The following FHL2 variants were observed in gnomAD, a reference collection of about 807,000 sequenced individuals.
FHL2 encodes four and a half LIM domains 2, also known as four and a half LIM domains protein 2.
Under a neutral mutation model 32.7 loss-of-function variants are expected in FHL2, and 20 were observed. The ratio of observed to expected loss-of-function variants is 0.61; its 90% CI spans 0.43 to 0.89. FHL2 has a LOEUF of 0.89. FHL2 is among the 40% of genes least tolerant of loss of function. The pLI, the probability that FHL2 is intolerant of heterozygous loss-of-function variation, is 0.00. For synonymous variants in FHL2, 123 were observed against 128.1 expected (o/e 0.96, Z 0.27); for missense variants, 311 against 358.6 (o/e 0.87, Z 1.07).
At chr2:105,395,926 C>T (rs751649350) in intron 2 of FHL2, among the ~76,000 whole-genome samples, 15 of 152,158 alleles carry the variant, frequency 9.9e-5, no homozygotes, top group Non-Finnish European at 1.9e-4. Context: ...ACACCACCCA[C>T]GAGCACTGGG....
chr2:105,407,347 G>C lies in FHL2; in HGVS notation c.-24-20807C>G, dbSNP rs546329631. 6.0e-3 allele frequency among the ~76,000 whole-genome samples: 887 copies of C among 146,974 alleles called. 11 individuals are homozygous for C. Among genetic ancestry groups the C allele is most frequent in the Non-Finnish European group, 6.1e-3 (411 of 67,352 alleles). On this transcript the variant is annotated intron_variant, in intron 1 of 5. Coordinates refer to the FHL2 transcript ENST00000393352. ...GTGGAGCTTGCAGTGAGCTGAGATC[G>C]CTCCACTGCACTCCAGCCTGGGTGA...
intron 2 of FHL2, among the ~76,000 whole-genome samples, chr2:105,389,219 C>A (rs975119521): frequency 6.6e-6 from 1 of 152,192 alleles, no homozygotes; most frequent in African/African-American, 2.4e-5. Context: ...GATAACATCA[C>A]AAGATGAGGC....
At chr2:105,402,190 T>C (rs560344934), upstream of FHL2, among the ~76,000 whole-genome samples, 58 of 149,782 alleles carry the variant, frequency 3.9e-4, no homozygotes, top group African/African-American at 1.4e-3. Context: ...TATGTATATA[T>C]GTATATATAT....
chr2:105,386,341 C>T lies in FHL2; in HGVS notation c.156+20G>A. 3.1e-6 allele frequency: 5 copies of T among 1,610,802 alleles called. No homozygotes were observed. Among genetic ancestry groups the T allele is most frequent in the Non-Finnish European group, 4.2e-6 (5 of 1,178,548 alleles). On this transcript the variant is annotated intron_variant, in intron 3 of 6. Transcript: ENST00000530340. ...TTCCTAGGGGAGCGCCGGGGACCCGCAGAGGCCCGCAGCAGGTACCTTGCA... is the reference window on the plus strand; with the variant it reads ...TTCCTAGGGGAGCGCCGGGGACCCGTAGAGGCCCGCAGCAGGTACCTTGCA...
intron 1 of FHL2, among the ~76,000 whole-genome samples, chr2:105,424,395 G>T (rs1430779398): frequency 6.6e-6 from 1 of 152,212 alleles, no homozygotes; most frequent in African/African-American, 2.4e-5. Context: ...TGGAGAGGAT[G>T]TGGAGAAATA....
chr2:105,364,723 A>T (rs766673587), intron 5 of FHL2, among the ~76,000 whole-genome samples: 1 of 152,206 alleles, frequency 6.6e-6, no homozygotes, highest in African/African-American at 2.4e-5. Context: ...TGAACATTTC[A>T]GTATCATGCA....
chr2:105,374,797 G>T (rs1053736397), intron 3 of FHL2, among the ~76,000 whole-genome samples: 1 of 152,146 alleles, frequency 6.6e-6, no homozygotes, highest in Non-Finnish European at 1.5e-5. Context: ...ATCTTAGAAA[G>T]GATATGTTTC....
chr2:105,434,580 A>T (rs771083522), intron 1 of FHL2, among the ~76,000 whole-genome samples: 1 of 151,530 alleles, frequency 6.6e-6, no homozygotes, highest in Non-Finnish European at 1.5e-5. Context: ...AAAAAAAACA[A>T]AACAAACAAA....
intron 3 of FHL2, chr2:105,377,914 C>T (rs72823884): frequency 5.2e-4 from 205 of 390,552 alleles, no homozygotes; most frequent in African/African-American, 3.2e-3. Flanking sequence ...GGAGGCATTA[C>T]GCCCAGAGGG....
intron 3 of FHL2, among the ~76,000 whole-genome samples, chr2:105,381,411 A>G (rs1681876024): frequency 6.6e-6 from 1 of 152,110 alleles, no homozygotes; most frequent in Non-Finnish European, 1.5e-5. Flanking sequence ...TAGACATGGA[A>G]ACGGAGGCTT....
chr2:105,399,773 G>T, upstream of FHL2: 4 of 697,532 alleles, frequency 5.7e-6, no homozygotes, highest in Middle Eastern at 8.4e-4. Flanking sequence ...GGAGAGCACA[G>T]GTTGAGCCCA....
chr2:105,426,055 C>CAA (rs1235975211), intron 1 of FHL2, among the ~76,000 whole-genome samples: 8 of 152,246 alleles, frequency 5.3e-5, no homozygotes, highest in Admixed American at 5.2e-4. Flanking sequence ...GCCACTCCTT[C>CAA]ATATATAATA....
chr2:105,420,412 C>A (rs558048178), intron 1 of FHL2, among the ~76,000 whole-genome samples: 1 of 152,286 alleles, frequency 6.6e-6, no homozygotes, highest in South Asian at 2.1e-4. Context: ...TAATGACCTC[C>A]TCTTAACTAA....
chr2:105,373,726 G>A lies in FHL2; in HGVS notation c.164C>T (p.Ser55Phe), dbSNP rs2104533472. The change falls in exon 4 of 7, where the codon TCT (serine) becomes TTT (phenylalanine). Residue 55 changes from serine to phenylalanine, a missense_variant. Ser to Phe is a radical substitution (Grantham distance 155, BLOSUM62 -2). Coordinates refer to ENST00000530340, the MANE Select transcript of FHL2 (RefSeq NM_001318895.3). ...KPIGCDCKDLSYKDRHWHEAC... is the reference protein window; with the variant it reads ...KPIGCDCKDLFYKDRHWHEAC... ...TTCATGCCAGTGCCGGTCCTTGTAA[G>A]ACAAGTCCTGTGGGGCCAGACCACA... 6.2e-7 allele frequency: 1 copy of A among 1,613,894 alleles called. No individual in the cohort carries two copies. The highest frequency in any genetic ancestry group is 8.5e-7 in the Non-Finnish European group (1 of 1,180,032).
chr2:105,414,972 A>G (rs1345306414), intron 1 of FHL2, among the ~76,000 whole-genome samples: 2 of 152,214 alleles, frequency 1.3e-5, no homozygotes, highest in Non-Finnish European at 2.9e-5. Context: ...AATTTTCTCT[A>G]ATACAACTGT....
intron 1 of FHL2, among the ~76,000 whole-genome samples, chr2:105,412,721 G>A (rs1020981463): frequency 3.3e-5 from 5 of 152,230 alleles, no homozygotes; most frequent in Admixed American, 6.5e-5. Context: ...AGAAGGCAGC[G>A]TCAAGGAAGG....
chr2:105,432,279 A>G (rs1316321797), intron 1 of FHL2, among the ~76,000 whole-genome samples: 1 of 152,178 alleles, frequency 6.6e-6, no homozygotes, highest in African/African-American at 2.4e-5. Flanking sequence ...AGAAACAGGG[A>G]CCTAAAAGGA....
chr2:105,419,367 T>G (rs1684031170), intron 1 of FHL2, among the ~76,000 whole-genome samples: 1 of 152,200 alleles, frequency 6.6e-6, no homozygotes. Context: ...CTTCCCACCC[T>G]TTCTCCAAGA....
chr2:105,412,126 C>T (rs1314120572), intron 1 of FHL2, among the ~76,000 whole-genome samples: 1 of 152,194 alleles, frequency 6.6e-6, no homozygotes, highest in Non-Finnish European at 1.5e-5. Flanking sequence ...GAAATACCTG[C>T]ACACTCATGT....
Sources: allele counts gnomAD v4.1 joint callset (sites outside exome capture counted in the v4.1 genomes callset), GRCh38; gene constraint gnomAD v4.1.1; transcripts MANE v1.5; gene names NCBI Gene and HGNC (gene_info 2026-07-23, HGNC 2026-07-21).